POU2F1: variants seen among roughly 807,000 people sequenced by gnomAD.
The protein encoded by POU2F1 is POU domain, class 2, transcription factor 1.
A neutral mutation model predicts 84.9 loss-of-function variants in POU2F1; 16 were observed. That is an observed-to-expected ratio of 0.19 (90% CI 0.13 to 0.29). The LOEUF (loss-of-function observed/expected upper bound fraction) is 0.29. Ranked by LOEUF, POU2F1 falls within the 10% of genes least tolerant of loss-of-function variation. The pLI is 1.00. For missense variants in POU2F1, 738 were observed against 942.6 expected (o/e 0.78, Z 2.84); for synonymous variants, 368 against 368.3 (o/e 1.00, Z 0.01).
In POU2F1 at chr1:167,420,810, G is replaced by A. The variant is rs529591075; in HGVS notation, c.*5000G>A. On this transcript the variant is annotated 3_prime_UTR_variant, in exon 16 of 16. Transcript: ENST00000367866. ...CCTGGCTCTTGGGGGGCCTTCTGAA[G>A]ACCAGTCTGCAGTTTGAGGAAGGGC... 1 of 152,342 alleles carries A rather than the reference G, an allele frequency of 6.6e-6. No individual in the cohort carries two copies. Among genetic ancestry groups the A allele is most frequent in the African/African-American group, 2.4e-5 (1 of 41,574 alleles). The allele number at this position is 152,342 out of a possible 1,614,324, so 9.4% of individuals were successfully genotyped here. A position where few individuals can be genotyped will look rare whatever the true frequency, so the allele number is the denominator to read the frequency against.
chr1:167,365,998 A>G (rs1223941902), intron 3 of POU2F1, among the ~76,000 whole-genome samples: 1 of 152,180 alleles, frequency 6.6e-6, no homozygotes, highest in Non-Finnish European at 1.5e-5. Context: ...GCAACTACTC[A>G]GAGGCTTTTG....
At chr1:167,304,429 C>T (rs1310744558) in intron 1 of POU2F1, among the ~76,000 whole-genome samples, 1 of 152,148 alleles carries the variant, frequency 6.6e-6, no homozygotes, top group Non-Finnish European at 1.5e-5. Flanking sequence ...AAACCTAGTT[C>T]TGTGTTCTTT....
intron 3 of POU2F1, among the ~76,000 whole-genome samples, chr1:167,366,954 G>T (rs1659716195): frequency 6.6e-6 from 1 of 152,110 alleles, no homozygotes; most frequent in African/African-American, 2.4e-5. Flanking sequence ...GTGCACAGAT[G>T]ATGTGCAGTT....
At chr1:167,375,981 A>C (rs2273963) in intron 6 of POU2F1, 48 bp from the exon 7 acceptor site, 281,576 of 1,605,728 alleles carry the variant, frequency 0.18, 25,975 homozygotes, top group Non-Finnish European at 0.19. Flanking sequence ...AATTAAGCGA[A>C]CTTTTATTTC....
chr1:167,277,781 TTTA>T (rs1470992195), intron 1 of POU2F1, among the ~76,000 whole-genome samples: 2 of 152,320 alleles, frequency 1.3e-5, no homozygotes, highest in African/African-American at 4.8e-5. Context: ...CATCACCTTT[TTTA>T]TTCCAGTTTT....
intron 15 of POU2F1, chr1:167,414,661 C>G (rs1380689354): frequency 1.0e-6 from 1 of 985,118 alleles, no homozygotes; most frequent in South Asian, 4.7e-5. Flanking sequence ...AATTTCTCAC[C>G]CATTAAAGCA....
At chr1:167,281,204 C>T (rs1653111506) in intron 1 of POU2F1, among the ~76,000 whole-genome samples, 1 of 152,142 alleles carries the variant, frequency 6.6e-6, no homozygotes, top group Non-Finnish European at 1.5e-5. Context: ...GAGTCAAACT[C>T]TGTAAAATAT....
intron 1 of POU2F1, among the ~76,000 whole-genome samples, 184 bp downstream of exon 1, chr1:167,221,142 CGGCCAGGCGGAGG>C (rs1648100518): frequency 6.6e-6 from 1 of 150,930 alleles, no homozygotes. Flanking sequence ...AGGCTCGGAG[CGGCCAGGCGGAGG>C]GGGAAGACAA....
In POU2F1 at chr1:167,421,040, G is replaced by A. The variant is rs1045166662; in HGVS notation, c.*5230G>A. 1 of 152,192 alleles carries A rather than the reference G, an allele frequency of 6.6e-6. No homozygotes were observed. Among genetic ancestry groups the A allele is most frequent in the African/African-American group, 2.4e-5 (1 of 41,434 alleles). The allele number at this position is 152,192 out of a possible 1,614,324, so 9.4% of individuals were successfully genotyped here. ...GTTAATTTGCTCATAACTGATATGA[G>A]TTTGCTTTTATGTGTGTGTGGAAAG... On this transcript the variant is annotated 3_prime_UTR_variant, in exon 16 of 16. Transcript: ENST00000367866.
Position 167,266,565 on chromosome 1 carries a change from C to G in POU2F1, c.61+45607C>G, listed in dbSNP as rs781013054. ...GATTGTTGTCTGGGATCAAGGGAAA[C>G]AGCCACTGTCACATAATATTGGGAA... is the stretch of plus-strand genomic sequence containing the variant. On this transcript the variant is annotated intron_variant, in intron 1 of 15. Transcript: ENST00000367866. Among the ~76,000 whole-genome samples the G allele has an allele frequency of 3.6e-4, 55 of 151,572 alleles. 1 individual carries two copies. The highest frequency in any genetic ancestry group is 6.6e-4 in the Non-Finnish European group (45 of 67,944).
intron 1 of POU2F1, among the ~76,000 whole-genome samples, chr1:167,284,753 T>A (rs1029308074): frequency 6.6e-6 from 1 of 152,212 alleles, no homozygotes; most frequent in Non-Finnish European, 1.5e-5. Context: ...TCTTGTAAAA[T>A]CTTCCTTCAT....
chr1:167,329,913 A>G (rs1270179086), intron 1 of POU2F1, among the ~76,000 whole-genome samples: 1 of 152,196 alleles, frequency 6.6e-6, no homozygotes, highest in Non-Finnish European at 1.5e-5. Flanking sequence ...TATATACTCT[A>G]GATAACTACA....
chr1:167,269,977 C>T (rs1352660645), intron 1 of POU2F1, among the ~76,000 whole-genome samples: 1 of 149,688 alleles, frequency 6.7e-6, no homozygotes, highest in African/African-American at 2.5e-5. Flanking sequence ...TTTTTTCTGA[C>T]GTTGAGCTAA....
At chr1:167,324,169 A>T (rs1030695155) in intron 1 of POU2F1, among the ~76,000 whole-genome samples, 13 of 152,160 alleles carry the variant, frequency 8.5e-5, no homozygotes, top group African/African-American at 2.9e-4. Flanking sequence ...AAATTATTCT[A>T]AAAAAATAGA....
intron 1 of POU2F1, among the ~76,000 whole-genome samples, chr1:167,306,570 G>A (rs750545873): frequency 1.2e-4 from 19 of 152,052 alleles, no homozygotes; most frequent in Non-Finnish European, 2.6e-4. Context: ...AGAAAATTAA[G>A]GTTCAGATGT....
intron 1 of POU2F1, among the ~76,000 whole-genome samples, chr1:167,250,507 A>G (rs544474327): frequency 6.6e-6 from 1 of 152,348 alleles, no homozygotes; most frequent in South Asian, 2.1e-4. Flanking sequence ...CAGGAACATT[A>G]GAGAAAAAAA....
Position 167,420,254 on chromosome 1 carries a change from C to T in POU2F1, c.*4444C>T, listed in dbSNP as rs1162080478. ...TCTCGGCTCACTGCAACCTCTGCCTCCCGGGTTCAAGCAATTCTCCTGCTT... is the reference window on the plus strand; with the variant it reads ...TCTCGGCTCACTGCAACCTCTGCCTTCCGGGTTCAAGCAATTCTCCTGCTT... On this transcript the variant is annotated 3_prime_UTR_variant, in exon 16 of 16. Transcript: ENST00000367866. The T allele has an allele frequency of 2.6e-5, 4 of 151,622 alleles. No homozygotes were observed. The highest frequency in any genetic ancestry group is 9.7e-5 in the African/African-American group (4 of 41,162). 9.4% of individuals were successfully genotyped at this position (151,622 alleles called of 1,614,324 possible).
At chr1:167,240,380 T>C (rs1649811149) in intron 1 of POU2F1, among the ~76,000 whole-genome samples, 1 of 152,178 alleles carries the variant, frequency 6.6e-6, no homozygotes, top group African/African-American at 2.4e-5. Flanking sequence ...GAAATTAAAA[T>C]ATTAGAAAAA....
At position 167,392,791 on chromosome 1, in the gene POU2F1, C is replaced by G. The variant is rs1421541873; in HGVS notation, c.987+3030C>G. Among the ~76,000 whole-genome samples the G allele has an allele frequency of 2.0e-5, 3 of 152,184 alleles. No individual in the cohort carries two copies. In the East Asian group the frequency reaches 5.8e-4, roughly 29 times the overall value. ...TGGACTATGTGGGTTAAAGTACATACTACTGCTGCAGAATGGAAAATCAGT... is the reference window on the plus strand; with the variant it reads ...TGGACTATGTGGGTTAAAGTACATAGTACTGCTGCAGAATGGAAAATCAGT... On this transcript the variant is annotated intron_variant, in intron 9 of 15. Transcript: ENST00000367866.
Sources: gnomAD v4.1 joint callset for allele counts (sites outside exome capture counted in the v4.1 genomes callset) on GRCh38, gnomAD v4.1.1 for gene constraint, MANE v1.5 for transcripts, NCBI Gene and HGNC (gene_info 2026-07-23, HGNC 2026-07-21) for gene names.